The following IL13RA2 variants were observed in gnomAD, a reference collection of about 807,000 sequenced individuals.
IL13RA2 encodes interleukin 13 receptor subunit alpha 2.
In IL13RA2, 25 loss-of-function variants were observed where a neutral mutation model predicts 34.1. That is an observed-to-expected ratio of 0.73 (90% CI 0.53 to 1.03). The LOEUF is 1.03. Ranked by LOEUF, IL13RA2 falls within the 50% of genes least tolerant of loss-of-function variation. The pLI is 0.00. For synonymous variants in IL13RA2, 106 were observed against 100.4 expected (o/e 1.06, Z -0.33); for missense variants, 297 against 280.9 (o/e 1.06, Z -0.41).
chrX:115,008,191 C>T, intron 7 of IL13RA2, 115 bp from the exon 8 acceptor site: 1 of 535,700 alleles, frequency 1.9e-6, no homozygotes, highest in Non-Finnish European at 3.1e-6. Flanking sequence ...GCAATCTATG[C>T]ATCAAAAGAC....
intron 5 of IL13RA2, 37 bp downstream of exon 5, chrX:115,013,732 T>C: frequency 1.3e-6 from 1 of 798,477 alleles, no homozygotes; most frequent in East Asian, 3.2e-5. Context: ...TGAGTAGACA[T>C]TTTTTAATAT....
chrX:115,014,608 TAGAAACC>T, intron 3 of IL13RA2, 34 bp from the exon 4 acceptor site: 1 of 1,079,788 alleles, frequency 9.3e-7, no homozygotes, highest in South Asian at 2.1e-5. Flanking sequence ...AAGTCAAGCT[TAGAAACC>T]TCCATGGTAT....
intron 4 of IL13RA2, 44 bp downstream of exon 4, chrX:115,014,377 T>A (rs1556509341): frequency 2.0e-6 from 2 of 989,716 alleles, no homozygotes; most frequent in South Asian, 2.4e-5. Flanking sequence ...CCCAAATGAA[T>A]TGTTCTGATA....
Position 115,014,033 on chromosome X carries a change from C to G in IL13RA2, c.401-144G>C, listed in dbSNP as rs1215577428. 8 of 520,800 alleles carry G rather than the reference C, an allele frequency of 1.5e-5. No homozygotes were observed. In the African/African-American group the frequency reaches 1.7e-4, roughly 11 times the overall value. The allele number at this position is 520,800 out of a possible 1,213,427, so 42.9% of individuals were successfully genotyped here. A position where few individuals can be genotyped will look rare whatever the true frequency, so the allele number is the denominator to read the frequency against. On this transcript the variant is annotated intron_variant, in intron 4 of 9. Transcript: ENST00000243213. ...ACAGGATTATTTCAAAAGGAAGTTA[C>G]TGGGAATCACTTCACGATAAGAGGG...
Position 115,006,448 on chromosome X carries a change from C to T in IL13RA2, c.998-1133G>A, listed in dbSNP as rs897176009. 5.4e-5 allele frequency among the ~76,000 whole-genome samples: 6 copies of T among 111,244 alleles called. No individual in the cohort carries two copies. In the South Asian group the frequency reaches 1.9e-3, roughly 35 times the overall value. The stretch of plus-strand genomic sequence containing the variant: ...CTGTAATCTCAACACTTTGTGAGAC[C>T]GAGGTGGACGGATCACTTGAGGCCA... On this transcript the variant is annotated intron_variant, in intron 8 of 9. Coordinates refer to ENST00000243213, the MANE Select transcript of IL13RA2 (RefSeq NM_000640.3).
chrX:115,015,264 G>A (rs1347985853), intron 3 of IL13RA2, among the ~76,000 whole-genome samples: 2 of 111,131 alleles, frequency 1.8e-5, no homozygotes, highest in African/African-American at 6.5e-5. Context: ...ATAATCCTGC[G>A]ACCCTCTGTG....
intron 5 of IL13RA2, among the ~76,000 whole-genome samples, chrX:115,011,579 G>T (rs1212416087): frequency 1.8e-5 from 2 of 112,013 alleles, no homozygotes; most frequent in Non-Finnish European, 3.8e-5. Flanking sequence ...TCAAATCCCT[G>T]TTGAAAAGAG....
intron 7 of IL13RA2, among the ~76,000 whole-genome samples, chrX:115,009,206 G>GTT (rs56752159): frequency 0.011 from 1,170 of 102,792 alleles, 18 homozygotes; most frequent in African/African-American, 0.038. Flanking sequence ...GTCTTTGTGG[G>GTT]TTTTTTTTTT....
chrX:115,008,200 A>G (rs782742717), intron 7 of IL13RA2, 124 bp from the exon 8 acceptor site: 13 of 514,815 alleles, frequency 2.5e-5, no homozygotes, highest in African/African-American at 2.4e-4. Context: ...GCATCAAAAG[A>G]CTGGATGCAT....
rs1393999674 is a variant in IL13RA2 at position 115,010,910 on chromosome X, G to T, written c.522-82C>A. The T allele has an allele frequency of 4.4e-5, 19 of 433,050 alleles. No homozygotes were observed. The Admixed American group carries it at 6.3e-4, about 14-fold the overall frequency. The allele number at this position is 433,050 out of a possible 1,213,427, so 35.7% of individuals were successfully genotyped here. A position where few individuals can be genotyped will look rare whatever the true frequency, so the allele number is the denominator to read the frequency against. ...GGCACTTCATTTTCAATTATATTAGGATACCATGTCAGTTTAAAAATCATT... is the reference window on the plus strand; with the variant it reads ...GGCACTTCATTTTCAATTATATTAGTATACCATGTCAGTTTAAAAATCATT... On this transcript the variant is annotated intron_variant, in intron 5 of 9. Transcript: ENST00000243213.
chrX:115,005,228 A>T lies in IL13RA2; in HGVS notation c.1085T>A (p.Leu362His). Reference protein sequence around the residue: ...LILVIFVTGLLLRKPNTYPKM... With the variant: ...LILVIFVTGLHLRKPNTYPKM... ...TGGGTAGGTGTTTGGCTTACGCAAA[A>T]GCAGACCGGTTACAAATATAACTAA... Residue 362 changes from leucine to histidine, a missense_variant, in exon 9 of 10, where the codon CTT becomes CAT. Coordinates refer to ENST00000243213, the MANE Select transcript of IL13RA2 (RefSeq NM_000640.3). 9.1e-7 allele frequency: 1 copy of T among 1,103,481 alleles called. No homozygotes were observed. Among genetic ancestry groups the T allele is most frequent in the African/African-American group, 1.8e-5 (1 of 55,899 alleles). 90.9% of individuals were successfully genotyped at this position (1,103,481 alleles called of 1,213,427 possible).
intron 7 of IL13RA2, 41 bp downstream of exon 7, chrX:115,009,480 G>C (rs371834496): frequency 3.7e-6 from 4 of 1,090,291 alleles, no homozygotes; most frequent in South Asian, 3.9e-5. Flanking sequence ...TATTTAAAAG[G>C]CTGTAGTTAT....
intron 6 of IL13RA2, 107 bp from the exon 7 acceptor site, chrX:115,009,773 C>A: frequency 1.6e-6 from 1 of 625,600 alleles, no homozygotes; most frequent in East Asian, 3.3e-5. Flanking sequence ...AGGGATAAAC[C>A]AAGTGGCTCA....
intron 4 of IL13RA2, 91 bp from the exon 5 acceptor site, chrX:115,013,980 C>T: frequency 3.3e-6 from 2 of 612,335 alleles, no homozygotes; most frequent in Admixed American, 2.7e-5. Flanking sequence ...TTCCTATGAC[C>T]TCTCCATTTT....
chrX:115,007,958 T>C lies in IL13RA2; in HGVS notation c.971A>G (p.Glu324Gly), dbSNP rs2071691581. The change falls in exon 8 of 10, where the codon GAG (glutamate) becomes GGG (glycine). Residue 324 changes from glutamate (E) to glycine (G), a missense_variant. Coordinates refer to ENST00000243213, the MANE Select transcript of IL13RA2 (RefSeq NM_000640.3). ...IYCSDDGIWS[E>G]WSDKQCWEGE... is the part of the protein sequence containing the mutation. Reference sequence around the variant, plus strand: ...TTCCCAGCATTGTTTATCACTCCACTCACTCCAAATTCCGTCATCTGAGCA... The same window carrying C: ...TTCCCAGCATTGTTTATCACTCCACCCACTCCAAATTCCGTCATCTGAGCA... 1.8e-6 allele frequency: 2 copies of C among 1,127,016 alleles called. No homozygotes were observed. Among genetic ancestry groups the C allele is most frequent in the Non-Finnish European group, 2.4e-6 (2 of 820,445 alleles). The allele number at this position is 1,127,016 out of a possible 1,213,427, so 92.9% of individuals were successfully genotyped here. A position where few individuals can be genotyped will look rare whatever the true frequency, so the allele number is the denominator to read the frequency against.
intron 8 of IL13RA2, 93 bp from the exon 9 acceptor site, chrX:115,005,408 T>C (rs1225087234): frequency 1.8e-6 from 1 of 550,882 alleles, no homozygotes; most frequent in Non-Finnish European, 3.2e-6. Flanking sequence ...AGAACTGAGT[T>C]GAGCTTGGAA....
chrX:115,015,733 A>G lies in IL13RA2; in HGVS notation c.183T>C (p.His61=). The G allele has an allele frequency of 1.7e-6, 2 of 1,195,570 alleles. No homozygotes were observed. Among genetic ancestry groups the G allele is most frequent in the South Asian group, 3.5e-5 (2 of 56,596 alleles). ...CATATTCCACTGTGCATTCCTTAAA[A>G]TGATCCAGAGACAGTGGGGGTTGCC... ...LQWQPPLSLD[H]FKECTVEYEL... Residue 61 remains histidine, a synonymous_variant, in exon 3 of 10, where the codon CAT becomes CAC. Transcript: ENST00000243213.
intron 7 of IL13RA2, among the ~76,000 whole-genome samples, chrX:115,008,758 C>G (rs1411597086): frequency 9.0e-6 from 1 of 111,719 alleles, no homozygotes; most frequent in Non-Finnish European, 1.9e-5. Flanking sequence ...AAGAATTTTT[C>G]TCATTCAATA....
Position 115,005,231 on chromosome X carries a change from A to G in IL13RA2, c.1082T>C (p.Leu361Pro). ...ILILVIFVTG[L>P]LLRKPNTYPK... is the part of the protein sequence containing the mutation. ...GTAGGTGTTTGGCTTACGCAAAAGC[A>G]GACCGGTTACAAATATAACTAATAT... Residue 361 changes from leucine (L) to proline (P), a missense_variant, in exon 9 of 10, where the codon CTG becomes CCG. Coordinates refer to ENST00000243213, the MANE Select transcript of IL13RA2 (RefSeq NM_000640.3). The G allele has an allele frequency of 8.9e-7, 1 of 1,117,597 alleles. No individual in the cohort carries two copies. The highest frequency in any genetic ancestry group is 1.2e-6 in the Non-Finnish European group (1 of 809,395). The allele number at this position is 1,117,597 out of a possible 1,213,427, so 92.1% of individuals were successfully genotyped here.
Sources: allele counts gnomAD v4.1 joint callset (sites outside exome capture counted in the v4.1 genomes callset), GRCh38; gene constraint gnomAD v4.1.1; transcripts MANE v1.5; gene names NCBI Gene and HGNC (gene_info 2026-07-23, HGNC 2026-07-21).